ROBO1: variants seen among roughly 807,000 people sequenced by gnomAD.
ROBO1 encodes roundabout guidance receptor 1, also known as roundabout homolog 1.
In ROBO1, 149 loss-of-function variants were observed where a neutral mutation model predicts 195.9. The ratio of observed to expected loss-of-function variants is 0.76; its 90% CI spans 0.67 to 0.87. The LOEUF is 0.87. Among genes scored for constraint, ROBO1 ranks in the 40% least tolerant of loss-of-function variants. The pLI is 0.00. For synonymous variants in ROBO1, 816 were observed against 733.2 expected (o/e 1.11, Z -1.82); for missense variants, 1,933 against 2,068.3 (o/e 0.93, Z 1.27).
chr3:78,993,874 A>T (rs1484905962), intron 3 of ROBO1, among the ~76,000 whole-genome samples: 1 of 151,974 alleles, frequency 6.6e-6, no homozygotes, highest in Admixed American at 6.6e-5. Flanking sequence ...TTTTTTTCCC[A>T]CAAAATCCTG....
intron 2 of ROBO1, among the ~76,000 whole-genome samples, chr3:79,151,353 T>G (rs1352183119): frequency 6.6e-6 from 1 of 151,942 alleles, no homozygotes; most frequent in South Asian, 2.1e-4. Flanking sequence ...CCTTGATTCT[T>G]TGTCCCAACC....
At chr3:78,601,708 T>C (rs1396227582) in intron 29 of ROBO1, among the ~76,000 whole-genome samples, 2 of 152,196 alleles carry the variant, frequency 1.3e-5, no homozygotes, top group Non-Finnish European at 2.9e-5. Context: ...GATTCAATAT[T>C]GATAGTCACA....
intron 23 of ROBO1, chr3:78,634,531 AC>A: frequency 5.7e-6 from 2 of 350,204 alleles, no homozygotes; most frequent in African/African-American, 2.1e-5. Context: ...GGTCTGACAT[AC>A]CAAATCTGCT....
At chr3:79,476,526 C>T (rs1197087564) in intron 2 of ROBO1, among the ~76,000 whole-genome samples, 3 of 151,798 alleles carry the variant, frequency 2.0e-5, no homozygotes, top group African/African-American at 4.8e-5. Context: ...CATCAATCAA[C>T]GAGTGGATAA....
chr3:78,920,455 C>A (rs1576401692), intron 4 of ROBO1, among the ~76,000 whole-genome samples: 3 of 151,880 alleles, frequency 2.0e-5, no homozygotes, highest in Admixed American at 2.0e-4. Flanking sequence ...CAGGCAGGTG[C>A]CACCACGCAC....
intron 4 of ROBO1, among the ~76,000 whole-genome samples, chr3:78,769,950 T>G (rs1231960857): frequency 1.3e-5 from 2 of 152,152 alleles, no homozygotes; most frequent in Non-Finnish European, 2.9e-5. Flanking sequence ...AATCTGCTAT[T>G]AATCTGATAG....
At chr3:79,222,898 A>C (rs574260502) in intron 2 of ROBO1, among the ~76,000 whole-genome samples, 1 of 152,286 alleles carries the variant, frequency 6.6e-6, no homozygotes, top group Admixed American at 6.5e-5. Context: ...AGGATTTTCT[A>C]AGCCTTAAGC....
intron 2 of ROBO1, among the ~76,000 whole-genome samples, chr3:79,257,096 C>T (rs2082847943): frequency 6.6e-6 from 1 of 152,032 alleles, no homozygotes; most frequent in East Asian, 1.9e-4. Context: ...TGTCACTTTC[C>T]AGAAAGTAAG....
At chr3:79,680,844 G>A (rs761536985) in intron 1 of ROBO1, among the ~76,000 whole-genome samples, 1 of 151,898 alleles carries the variant, frequency 6.6e-6, no homozygotes, top group Non-Finnish European at 1.5e-5. Flanking sequence ...TCTAGGAGGT[G>A]GGGGGTCAAA....
At chr3:79,752,474 C>A (rs534381257) in intron 1 of ROBO1, among the ~76,000 whole-genome samples, 29 of 152,052 alleles carry the variant, frequency 1.9e-4, no homozygotes, top group Non-Finnish European at 3.5e-4. Flanking sequence ...CATAGTGGTG[C>A]CATGGGAGCT....
intron 4 of ROBO1, among the ~76,000 whole-genome samples, chr3:78,869,823 A>G (rs910211956): frequency 2.0e-5 from 3 of 152,142 alleles, no homozygotes; most frequent in Admixed American, 6.6e-5. Context: ...TATTAGTAAT[A>G]CCTTCTTCAC....
intron 2 of ROBO1, among the ~76,000 whole-genome samples, chr3:79,534,882 T>C (rs2107622208): frequency 6.6e-6 from 1 of 152,278 alleles, no homozygotes; most frequent in South Asian, 2.1e-4. Context: ...TGCGTTTGAC[T>C]TCTTGGGTGA....
chr3:79,223,278 A>G (rs2082172567), intron 2 of ROBO1, among the ~76,000 whole-genome samples: 1 of 152,174 alleles, frequency 6.6e-6, no homozygotes, highest in African/African-American at 2.4e-5. Flanking sequence ...TTATTTCTGA[A>G]ACATCTGAAT....
intron 4 of ROBO1, among the ~76,000 whole-genome samples, chr3:78,791,044 G>C (rs915488665): frequency 6.6e-6 from 1 of 152,170 alleles, no homozygotes; most frequent in Non-Finnish European, 1.5e-5. Flanking sequence ...GCTAGCGAGA[G>C]GATGGATCTT....
chr3:79,638,394 T>C (rs1364305200), intron 1 of ROBO1, among the ~76,000 whole-genome samples: 1 of 152,202 alleles, frequency 6.6e-6, no homozygotes, highest in East Asian at 1.9e-4. Context: ...CTGATTTTTT[T>C]ATTTTTTATT....
intron 1 of ROBO1, among the ~76,000 whole-genome samples, chr3:79,754,354 ATTCAC>A (rs1250853065): frequency 6.6e-6 from 1 of 152,174 alleles, no homozygotes; most frequent in Non-Finnish European, 1.5e-5. Context: ...AATCACTTGT[ATTCAC>A]TTCAGTGCCT....
At chr3:79,229,615 A>C (rs551585814) in intron 2 of ROBO1, among the ~76,000 whole-genome samples, 4 of 151,842 alleles carry the variant, frequency 2.6e-5, no homozygotes, top group East Asian at 1.9e-4. Context: ...TTTATTATTT[A>C]TTTCTTTCTT....
intron 2 of ROBO1, among the ~76,000 whole-genome samples, chr3:79,491,201 A>AG (rs1330046644): frequency 6.8e-6 from 1 of 147,242 alleles, no homozygotes; most frequent in East Asian, 2.0e-4. Flanking sequence ...ATGGAAGGAA[A>AG]GGGGTGGACG....
intron 8 of ROBO1, among the ~76,000 whole-genome samples, chr3:78,712,651 A>T (rs2081792850): frequency 6.6e-6 from 1 of 152,200 alleles, no homozygotes; most frequent in South Asian, 2.1e-4. Flanking sequence ...TAGAAAACAC[A>T]ACGCAGTTGA....
Sources: gnomAD v4.1 joint callset for allele counts (sites outside exome capture counted in the v4.1 genomes callset) on GRCh38, gnomAD v4.1.1 for gene constraint, MANE v1.5 for transcripts, NCBI Gene and HGNC (gene_info 2026-07-23, HGNC 2026-07-21) for gene names.